FOXJ3: variants seen among roughly 807,000 people sequenced by gnomAD.
FOXJ3 encodes the protein forkhead box J3.
A neutral mutation model predicts 76.1 loss-of-function variants in FOXJ3; 22 were observed. The ratio of observed to expected loss-of-function variants is 0.29; its 90% CI spans 0.21 to 0.41. The LOEUF (loss-of-function observed/expected upper bound fraction) is 0.41. Ranked by LOEUF, FOXJ3 falls within the 10% of genes least tolerant of loss-of-function variation. The pLI is 1.00. For missense variants in FOXJ3, 613 were observed against 762.1 expected (o/e 0.80, Z 2.30); for synonymous variants, 269 against 261.2 (o/e 1.03, Z -0.29).
chr1:42,204,337 C>T (rs1646820135), intron 6 of FOXJ3, among the ~76,000 whole-genome samples: 2 of 152,008 alleles, frequency 1.3e-5, no homozygotes, highest in African/African-American at 4.8e-5. Context: ...GTATTTTACA[C>T]AGATAGGCAG....
chr1:42,269,806 C>T (rs1651739061), intron 3 of FOXJ3, among the ~76,000 whole-genome samples: 1 of 152,122 alleles, frequency 6.6e-6, no homozygotes, highest in African/African-American at 2.4e-5. Context: ...ACTAAGCCTA[C>T]CTTAGATCTG....
chr1:42,235,376 T>TTCGGCTCACGCTCGGTGCGC (rs1553161000), intron 4 of FOXJ3, among the ~76,000 whole-genome samples: 3 of 152,230 alleles, frequency 2.0e-5, no homozygotes, highest in Non-Finnish European at 2.9e-5. Context: ...CTCGCCCTGC[T>TTCGGCTCACGCTCGGTGCGC]TCGGCTCACG....
chr1:42,206,581 T>C (rs937501480), intron 5 of FOXJ3, among the ~76,000 whole-genome samples: 3 of 152,354 alleles, frequency 2.0e-5, no homozygotes, highest in East Asian at 3.9e-4. Flanking sequence ...AAGCCAGTTA[T>C]AGATTTTTAA....
chr1:42,221,320 A>G (rs749527268), intron 5 of FOXJ3, among the ~76,000 whole-genome samples: 1 of 152,242 alleles, frequency 6.6e-6, no homozygotes, highest in African/African-American at 2.4e-5. Context: ...TAAGCAAAGA[A>G]TAACATTAGA....
At chr1:42,237,343 C>A (rs370118409) in intron 4 of FOXJ3, among the ~76,000 whole-genome samples, 40 of 150,640 alleles carry the variant, frequency 2.7e-4, no homozygotes, top group African/African-American at 8.8e-4. Flanking sequence ...CCACTGCACT[C>A]CAGCCTGGGC....
At chr1:42,182,716 T>G (rs1646349572) in intron 11 of FOXJ3, among the ~76,000 whole-genome samples, 1 of 152,086 alleles carries the variant, frequency 6.6e-6, no homozygotes, top group South Asian at 2.1e-4. Context: ...CAGGCTGATC[T>G]CAAACTCCTG....
At chr1:42,246,422 GA>G (rs1372526138) in intron 4 of FOXJ3, among the ~76,000 whole-genome samples, 5 of 151,750 alleles carry the variant, frequency 3.3e-5, no homozygotes, top group African/African-American at 1.2e-4. Flanking sequence ...AGAGGTATAT[GA>G]AAAAAATGTT....
At chr1:42,248,698 T>C (rs1649749018) in intron 4 of FOXJ3, among the ~76,000 whole-genome samples, 1 of 150,978 alleles carries the variant, frequency 6.6e-6, no homozygotes, top group African/African-American at 2.4e-5. Context: ...CCAGTGATAT[T>C]GTCCAGAAAG....
intron 2 of FOXJ3, among the ~76,000 whole-genome samples, chr1:42,279,723 A>C (rs983243976): frequency 6.6e-6 from 1 of 152,182 alleles, no homozygotes; most frequent in Non-Finnish European, 1.5e-5. Context: ...GGATCAAAGA[A>C]GCAGGAATAA....
intron 1 of FOXJ3, among the ~76,000 whole-genome samples, chr1:42,326,378 G>A (rs1448165359): frequency 6.6e-6 from 1 of 152,074 alleles, no homozygotes; most frequent in East Asian, 1.9e-4. Context: ...AATATATACA[G>A]GTTCAAAGAA....
chr1:42,332,949 G>A (rs1318047393), intron 1 of FOXJ3, among the ~76,000 whole-genome samples: 1 of 152,064 alleles, frequency 6.6e-6, no homozygotes, highest in African/African-American at 2.4e-5. Flanking sequence ...CATGTTTCCC[G>A]AACAGAAAAA....
At chr1:42,202,820 G>T (rs1018026980) in intron 6 of FOXJ3, among the ~76,000 whole-genome samples, 1 of 152,144 alleles carries the variant, frequency 6.6e-6, no homozygotes, top group African/African-American at 2.4e-5. Context: ...AAAGGGGTGA[G>T]CCACCACACC....
At chr1:42,259,568 T>A (rs1293311361) in intron 4 of FOXJ3, among the ~76,000 whole-genome samples, 2 of 152,174 alleles carry the variant, frequency 1.3e-5, no homozygotes, top group African/African-American at 2.4e-5. Flanking sequence ...AGGCCAAAAC[T>A]TCTTTCAGCT....
chr1:42,199,312 A>G (rs1646713824), intron 6 of FOXJ3, 82 bp from the exon 7 acceptor site: 2 of 1,234,298 alleles, frequency 1.6e-6, no homozygotes, highest in African/African-American at 1.5e-5. Context: ...GAGCAGGCAT[A>G]TGGCAAGAAG....
At chr1:42,316,758 A>C (rs996494443) in intron 1 of FOXJ3, among the ~76,000 whole-genome samples, 1 of 152,192 alleles carries the variant, frequency 6.6e-6, no homozygotes, top group Non-Finnish European at 1.5e-5. Flanking sequence ...AAATTTGTTA[A>C]AACTATTACA....
At chr1:42,267,741 G>A (rs762970088) in intron 3 of FOXJ3, among the ~76,000 whole-genome samples, 1 of 151,272 alleles carries the variant, frequency 6.6e-6, no homozygotes, top group Non-Finnish European at 1.5e-5. Context: ...CTTGCATAAA[G>A]AGATGGAGAA....
chr1:42,185,892 A>T (rs1326574214), intron 11 of FOXJ3, among the ~76,000 whole-genome samples: 1 of 152,074 alleles, frequency 6.6e-6, no homozygotes, highest in African/African-American at 2.4e-5. Context: ...GTGTTTACCA[A>T]GCGGGTCCTT....
At chr1:42,268,492 C>T (rs1273933182) in intron 3 of FOXJ3, among the ~76,000 whole-genome samples, 5 of 150,576 alleles carry the variant, frequency 3.3e-5, no homozygotes, top group South Asian at 4.2e-4. Flanking sequence ...TGAACAGTGC[C>T]GGAAATGGTA....
chr1:42,267,691 A>G (rs371096161), intron 3 of FOXJ3, among the ~76,000 whole-genome samples: 109 of 152,278 alleles, frequency 7.2e-4, no homozygotes, highest in African/African-American at 2.5e-3. Context: ...ACCATGCTTA[A>G]TATGTTAAAG....
Sources: allele counts gnomAD v4.1 joint callset (sites outside exome capture counted in the v4.1 genomes callset), GRCh38; gene constraint gnomAD v4.1.1; transcripts MANE v1.5; gene names NCBI Gene and HGNC (gene_info 2026-07-23, HGNC 2026-07-21).